Variants in ZNF710 observed in about 807,000 individuals in gnomAD.
The protein encoded by ZNF710 is zinc finger protein 710.
Under a neutral mutation model 50.6 loss-of-function variants are expected in ZNF710, and 13 were observed. The ratio of observed to expected loss-of-function variants is 0.26; its 90% confidence interval spans 0.17 to 0.41. ZNF710 has a LOEUF of 0.41. Ranked by LOEUF, ZNF710 falls within the 10% of genes least tolerant of loss-of-function variation. The probability of loss-of-function intolerance (pLI) is 1.00; values close to 1 mark genes in which losing one functional copy is unlikely to be tolerated. For missense variants in ZNF710, 721 were observed against 936.6 expected (o/e 0.77, Z 3.01); for synonymous variants, 383 against 397.0 (o/e 0.96, Z 0.42).
At chr15:90,047,216 C>G (rs1202159763) in intron 1 of ZNF710, among the ~76,000 whole-genome samples, 2 of 152,226 alleles carry the variant, frequency 1.3e-5, no homozygotes, top group East Asian at 3.8e-4. Flanking sequence ...CCCCTAAGAA[C>G]TGGCATCAAG....
At chr15:90,012,501 A>T (rs1222665078) in intron 1 of ZNF710, among the ~76,000 whole-genome samples, 1 of 151,698 alleles carries the variant, frequency 6.6e-6, no homozygotes, top group Non-Finnish European at 1.5e-5. Flanking sequence ...CGATCCCCTG[A>T]CCTTGTGATC....
chr15:90,066,970 C>A, intron 1 of ZNF710, 140 bp from the exon 2 acceptor site: 1 of 881,490 alleles, frequency 1.1e-6, no homozygotes, highest in Non-Finnish European at 1.7e-6. Context: ...ACAAGTGTGC[C>A]CTGTTCCCAA....
At position 90,067,216 on chromosome 15, in the gene ZNF710, C is replaced by T; in HGVS notation, c.79C>T (p.Leu27=). 2.5e-6 allele frequency: 4 copies of T among 1,613,896 alleles called. No individual in the cohort carries two copies. The highest frequency in any genetic ancestry group is 3.3e-4 in the Middle Eastern group (2 of 6,062). Residue 27 remains leucine, a synonymous_variant, in exon 2 of 5, where the codon CTG becomes TTG. Transcript: ENST00000268154. The surrounding 1 kb of genome is among the most constrained non-coding windows in gnomAD (Gnocchi z 8.1). ...LSLAQAAVLG[L]VSENELFGAT... ...CTTGGCTCAGGCCGCCGTGCTTGGC[C>T]TGGTCTCCGAAAATGAGCTCTTTGG... is the stretch of plus-strand genomic sequence containing the variant.
chr15:90,013,692 C>T (rs748670888), intron 1 of ZNF710, among the ~76,000 whole-genome samples: 2 of 152,120 alleles, frequency 1.3e-5, no homozygotes, highest in African/African-American at 2.4e-5. Flanking sequence ...TTCCTGAATA[C>T]ATATCACCAG....
chr15:90,042,326 C>A (rs1899321728), intron 1 of ZNF710, among the ~76,000 whole-genome samples: 1 of 152,056 alleles, frequency 6.6e-6, no homozygotes, highest in Admixed American at 6.5e-5. Flanking sequence ...GAAGGGTTTT[C>A]TTTCCCTGAT....
At chr15:90,026,266 C>CAAAAAA (rs373675360) in intron 1 of ZNF710, among the ~76,000 whole-genome samples, 5 of 114,628 alleles carry the variant, frequency 4.4e-5, no homozygotes, top group South Asian at 3.1e-4. Flanking sequence ...ACAACAACAA[C>CAAAAAA]AACAAAAAAA....
chr15:90,079,896 G>A lies in ZNF710; in HGVS notation c.*67G>A. ...ATGGGGGTGAGACCCATGGGCTGCA[G>A]GCTGCACCTCCTGCAGCCGAGAAAC... On this transcript the variant is annotated 3_prime_UTR_variant, in exon 5 of 5. Transcript: ENST00000268154. The A allele has an allele frequency of 6.9e-7, 1 of 1,445,628 alleles. No homozygotes were observed. Among genetic ancestry groups the A allele is most frequent in the Non-Finnish European group, 9.2e-7 (1 of 1,086,652 alleles). 89.6% of individuals were successfully genotyped at this position (1,445,628 alleles called of 1,614,324 possible). A position where few individuals can be genotyped will look rare whatever the true frequency, so the allele number is the denominator to read the frequency against.
At position 90,062,516 on chromosome 15, in the gene ZNF710, G is replaced by A. The variant is rs1900042891; in HGVS notation, c.-28-4594G>A. On this transcript the variant is annotated intron_variant, in intron 1 of 4. Transcript: ENST00000268154. The surrounding 1 kb of genome is among the most constrained non-coding windows in gnomAD (Gnocchi z 5.6). ...CTCTAAGAAGGGAGGGGCCCCAGTGGGGCCCCAGGCGGATGACAGAGGGGC... is the reference window on the plus strand; with the variant it reads ...CTCTAAGAAGGGAGGGGCCCCAGTGAGGCCCCAGGCGGATGACAGAGGGGC... 6.6e-6 allele frequency among the ~76,000 whole-genome samples: 1 copy of A among 152,134 alleles called. No individual in the cohort carries two copies. The highest frequency in any genetic ancestry group is 1.5e-5 in the Non-Finnish European group (1 of 68,028).
chr15:90,047,129 C>T (rs980531377), intron 1 of ZNF710, among the ~76,000 whole-genome samples: 3 of 126,748 alleles, frequency 2.4e-5, no homozygotes, highest in Non-Finnish European at 4.9e-5. Flanking sequence ...GGGGACAGGA[C>T]GAGGGTCCGA....
chr15:90,026,416 G>A (rs1343343716), intron 1 of ZNF710, among the ~76,000 whole-genome samples: 8 of 152,078 alleles, frequency 5.3e-5, no homozygotes. Flanking sequence ...GTTGCTAATT[G>A]AGAAAAAATT....
Position 90,067,206 on chromosome 15 carries a change from C to G in ZNF710, c.69C>G (p.Ala23=). 6.2e-7 allele frequency: 1 copy of G among 1,613,796 alleles called. No homozygotes were observed. The highest frequency in any genetic ancestry group is 2.2e-5 in the East Asian group (1 of 44,870). The change falls in exon 2 of 5, where the codon GCC becomes GCG. Residue 23 remains alanine, a synonymous_variant. Coordinates refer to ENST00000268154, the MANE Select transcript of ZNF710 (RefSeq NM_198526.4). This position sits in a 1 kb window ranked among gnomAD's most constrained non-coding sequence, Gnocchi z 8.1. The stretch of plus-strand genomic sequence containing the variant: ...TGGTGCTGTCCTTGGCTCAGGCCGC[C>G]GTGCTTGGCCTGGTCTCCGAAAATG... ...AVVVLSLAQA[A]VLGLVSENEL...
At chr15:90,013,908 G>C (rs763947202) in intron 1 of ZNF710, among the ~76,000 whole-genome samples, 2 of 152,056 alleles carry the variant, frequency 1.3e-5, no homozygotes, top group Non-Finnish European at 2.9e-5. Flanking sequence ...GAGTGTACAC[G>C]TTCGGACCCC....
At chr15:90,033,999 C>T (rs1403427291) in intron 1 of ZNF710, among the ~76,000 whole-genome samples, 1 of 152,094 alleles carries the variant, frequency 6.6e-6, no homozygotes, top group African/African-American at 2.4e-5. Flanking sequence ...GTCAGGAGTT[C>T]AAGACCAGCT....
At chr15:90,047,975 C>T (rs143384800) in intron 1 of ZNF710, among the ~76,000 whole-genome samples, 1,558 of 152,288 alleles carry the variant, frequency 0.01, 16 homozygotes, top group Non-Finnish European at 0.015. Context: ...AGCTATTAAC[C>T]GTTCTGTGCC....
intron 1 of ZNF710, among the ~76,000 whole-genome samples, chr15:90,061,913 CAGTT>C (rs1314144411): frequency 7.2e-5 from 11 of 152,168 alleles, no homozygotes; most frequent in African/African-American, 2.4e-4. Context: ...GGTGAAGTCA[CAGTT>C]AGAGATTCCA....
At chr15:90,002,540 C>G (rs1253825170) in intron 1 of ZNF710, 2 of 152,356 alleles carry the variant, frequency 1.3e-5, no homozygotes, top group Non-Finnish European at 2.9e-5. Flanking sequence ...GATCGGGGCC[C>G]TCAGGCTACC....
At chr15:90,020,812 T>A (rs1449452900) in intron 1 of ZNF710, among the ~76,000 whole-genome samples, 1 of 151,902 alleles carries the variant, frequency 6.6e-6, no homozygotes, top group Admixed American at 6.6e-5. Context: ...GAATGGCGGG[T>A]CCCCCACCCG....
intron 1 of ZNF710, among the ~76,000 whole-genome samples, chr15:90,047,259 C>T (rs892734829): frequency 6.6e-6 from 1 of 152,194 alleles, no homozygotes; most frequent in Non-Finnish European, 1.5e-5. Flanking sequence ...AACGTGTGGC[C>T]CAGGCGAGCT....
upstream of ZNF710, among the ~76,000 whole-genome samples, chr15:90,001,153 TTTCAA>T (rs1330742536): frequency 5.3e-5 from 8 of 152,004 alleles, no homozygotes; most frequent in South Asian, 2.1e-4. Flanking sequence ...CCCTTCAGGC[TTTCAA>T]TTCGAGTGGG....
Sources: allele counts gnomAD v4.1 joint callset (sites outside exome capture counted in the v4.1 genomes callset), GRCh38; gene constraint gnomAD v4.1.1; non-coding constraint Gnocchi (gnomAD v3.1); transcripts MANE v1.5; gene names NCBI Gene and HGNC (gene_info 2026-07-23, HGNC 2026-07-21).